WDR4: variants seen among roughly 807,000 people sequenced by gnomAD.
WDR4 encodes WDR4 tRNA N7-guanosine methyltransferase non-catalytic subunit.
Under a neutral mutation model 48.6 loss-of-function variants are expected in WDR4, and 47 were observed. The observed-to-expected ratio is 0.97, with a 90% CI of 0.77 to 1.23. The LOEUF (loss-of-function observed/expected upper bound fraction) is 1.23. WDR4 is among the 50% of genes most tolerant of loss of function. WDR4 has a pLI of 0.00. For missense variants in WDR4, 606 were observed against 551.6 expected (o/e 1.10, Z -0.99); for synonymous variants, 268 against 230.0 (o/e 1.17, Z -1.49).
intron 3 of WDR4, among the ~76,000 whole-genome samples, chr21:42,872,380 C>T (rs1028956200): frequency 6.6e-6 from 1 of 151,846 alleles, no homozygotes; most frequent in African/African-American, 2.4e-5. Flanking sequence ...GAGGCTGAGG[C>T]GGGTGGATCA....
intron 1 of WDR4, among the ~76,000 whole-genome samples, chr21:42,877,232 C>T (rs2058514595): frequency 6.6e-6 from 1 of 150,452 alleles, no homozygotes; most frequent in African/African-American, 2.5e-5. Flanking sequence ...CAACCTCCCC[C>T]TCCTGGATTC....
In WDR4 at chr21:42,855,688, G is replaced by C. The variant is rs1430864214; in HGVS notation, c.720C>G (p.Ala240=). Reference sequence around the variant, plus strand: ...AGTGAACAGAAGCAGCTACCTGGGGGGCCTGGGGGTCCACCAGCTCCTGCA... The same window carrying C: ...AGTGAACAGAAGCAGCTACCTGGGGCGCCTGGGGGTCCACCAGCTCCTGCA... ...ASLQELVDPQ[A]PQKFAASRIA... is the part of the protein sequence containing the mutation. Residue 240 remains alanine (A), a synonymous_variant, in exon 7 of 11, where the codon GCC becomes GCG. Coordinates refer to ENST00000398208, the MANE Select transcript of WDR4 (RefSeq NM_018669.6). 1 of 1,551,570 alleles carries C rather than the reference G, an allele frequency of 6.4e-7. No homozygotes were observed. The highest frequency in any genetic ancestry group is 2.4e-5 in the East Asian group (1 of 41,136).
At chr21:42,885,009 C>G in the WDR4 span, among the ~76,000 whole-genome samples, 1 of 152,090 alleles carries the variant, frequency 6.6e-6, no homozygotes, top group Non-Finnish European at 1.5e-5. Flanking sequence ...TGCCTGACTT[C>G]AAGTGATCCG....
chr21:42,884,272 T>C (rs186803490), upstream of WDR4, among the ~76,000 whole-genome samples: 111 of 152,318 alleles, frequency 7.3e-4, no homozygotes, highest in African/African-American at 2.5e-3. Context: ...TTGAGTCATA[T>C]GGTAACATTT....
upstream of WDR4, among the ~76,000 whole-genome samples, chr21:42,881,707 A>T (rs892269614): frequency 6.6e-6 from 1 of 152,180 alleles, no homozygotes; most frequent in Non-Finnish European, 1.5e-5. Flanking sequence ...GCCACATGTT[A>T]CAGTAGCACC....
At chr21:42,858,163 G>A (rs1406310564) in intron 6 of WDR4, among the ~76,000 whole-genome samples, 2 of 152,240 alleles carry the variant, frequency 1.3e-5, no homozygotes, top group Non-Finnish European at 2.9e-5. Flanking sequence ...GCAAGAGGCA[G>A]GGGTAGAGAA....
At chr21:42,852,385 G>A in intron 9 of WDR4, 61 bp from the exon 10 acceptor site, 2 of 1,573,694 alleles carry the variant, frequency 1.3e-6, no homozygotes, top group Non-Finnish European at 1.7e-6. Context: ...CCCAGCACCA[G>A]GACGCAACAC....
rs2058421549 is a variant in WDR4 at position 42,873,585 on chromosome 21, A to G, written c.262T>C (p.Phe88Leu). 1 of 1,614,198 alleles carries G rather than the reference A, an allele frequency of 6.2e-7. No individual in the cohort carries two copies. Residue 88 changes from phenylalanine (F) to leucine (L), a missense_variant, in exon 3 of 11, where the codon TTC (phenylalanine) becomes CTC (leucine). Phe to Leu is a conservative substitution (Grantham distance 22). Transcript: ENST00000398208. ...AGACATTGCCATGGTTTTGTACGGA[A>G]AAGAATCAGACGCTTACTGTCATCG... ...LTDDSKRLIL[F>L]RTKPWQCLSV...
intron 3 of WDR4, among the ~76,000 whole-genome samples, chr21:42,864,473 G>A (rs1441201665): frequency 6.6e-6 from 1 of 152,166 alleles, no homozygotes; most frequent in Non-Finnish European, 1.5e-5. Flanking sequence ...AGGGATGGAG[G>A]GGCCTGGCCA....
downstream of WDR4, among the ~76,000 whole-genome samples, chr21:42,846,645 T>C (rs1437201480): frequency 1.3e-5 from 2 of 152,004 alleles, no homozygotes; most frequent in Non-Finnish European, 2.9e-5. Context: ...CCTGGGAGGT[T>C]GAGGCTGCTG....
At chr21:42,870,263 A>G (rs1156686060) in intron 3 of WDR4, among the ~76,000 whole-genome samples, 1 of 152,188 alleles carries the variant, frequency 6.6e-6, no homozygotes, top group Non-Finnish European at 1.5e-5. Context: ...AGGCAGAAGA[A>G]TCGCTTGAAC....
chr21:42,848,992 G>C (rs1569308956), downstream of WDR4, among the ~76,000 whole-genome samples: 2 of 137,006 alleles, frequency 1.5e-5, no homozygotes, highest in Non-Finnish European at 3.1e-5. Context: ...CACGCAGCGT[G>C]CACCTCACAC....
chr21:42,883,098 C>CAAA (rs35978225), upstream of WDR4, among the ~76,000 whole-genome samples: 578 of 87,190 alleles, frequency 6.6e-3, 22 homozygotes, highest in African/African-American at 0.026. Context: ...GACTCCGTCT[C>CAAA]AAAAAAAAAA....
the WDR4 span, among the ~76,000 whole-genome samples, chr21:42,890,438 A>G: frequency 0.061 from 9,250 of 152,208 alleles, 384 homozygotes; most frequent in East Asian, 0.15. Flanking sequence ...CGGGAGGTTG[A>G]ATCAGAAGAA....
At chr21:42,889,969 T>C in the WDR4 span, among the ~76,000 whole-genome samples, 2 of 152,148 alleles carry the variant, frequency 1.3e-5, no homozygotes, top group South Asian at 2.1e-4. Flanking sequence ...TGTAACCTAG[T>C]GCTTTAGGAG....
chr21:42,855,171 G>C (rs1408794813), intron 7 of WDR4, among the ~76,000 whole-genome samples: 1 of 151,948 alleles, frequency 6.6e-6, no homozygotes, highest in Non-Finnish European at 1.5e-5. Context: ...AAACTTCCAG[G>C]AACCTGAGTC....
Position 42,849,339 on chromosome 21 carries a change from T to C in WDR4, c.*710A>G, listed in dbSNP as rs140278531. On this transcript the variant is annotated 3_prime_UTR_variant, in exon 11 of 11. Transcript: ENST00000398208. ...AACATCCCTGTGGCTCTGCAGTGTG[T>C]GCCAAGGTCAAATCAAATCATAACG... The C allele has an allele frequency of 3.7e-3, 560 of 152,396 alleles. 6 individuals carry two copies. The highest frequency in any genetic ancestry group is 9.2e-3 in the African/African-American group (381 of 41,546). The allele number at this position is 152,396 out of a possible 1,614,324, so 9.4% of individuals were successfully genotyped here.
chr21:42,860,305 G>A (rs1249939279), intron 5 of WDR4, among the ~76,000 whole-genome samples: 1 of 152,202 alleles, frequency 6.6e-6, no homozygotes, highest in Non-Finnish European at 1.5e-5. Flanking sequence ...CAGTCCTCCT[G>A]TGAGGGGTTG....
chr21:42,849,976 A>G lies in WDR4; in HGVS notation c.*73T>C. The G allele has an allele frequency of 1.9e-6, 3 of 1,576,934 alleles. No homozygotes were observed. Among genetic ancestry groups the G allele is most frequent in the Non-Finnish European group, 2.6e-6 (3 of 1,157,924 alleles). ...GTCACCTTTTCCTTCTTGAAGGGAC[A>G]TGCCAGGATGCAGGGGAACAAGTTA... On this transcript the variant is annotated 3_prime_UTR_variant, in exon 11 of 11. Coordinates refer to ENST00000398208, the MANE Select transcript of WDR4 (RefSeq NM_018669.6).
Sources: gnomAD v4.1 joint callset for allele counts (sites outside exome capture counted in the v4.1 genomes callset) on GRCh38, gnomAD v4.1.1 for gene constraint, MANE v1.5 for transcripts, NCBI Gene and HGNC (gene_info 2026-07-23, HGNC 2026-07-21) for gene names.